Variants in SIN3B observed in about 807,000 individuals in gnomAD.
SIN3B encodes paired amphipathic helix protein Sin3b.
SIN3B carries 19 observed loss-of-function variants against 120.2 expected under a neutral mutation model. The ratio of observed to expected loss-of-function variants is 0.16; its 90% CI spans 0.11 to 0.23. SIN3B has a LOEUF of 0.23. Ranked by LOEUF, SIN3B falls within the 10% of genes least tolerant of loss-of-function variation. The pLI, the probability that SIN3B is intolerant of heterozygous loss-of-function variation, is 1.00. For missense variants in SIN3B, 1,073 were observed against 1,573.0 expected, an observed-to-expected ratio of 0.68 and a Z score of 5.38; for synonymous variants, 654 against 653.2, an observed-to-expected ratio of 1.00 and a Z score of -0.02.
Position 16,829,510 on chromosome 19 carries a change from C to T in SIN3B, c.90C>T (p.Gly30=). The change falls in exon 1 of 19, where the codon GGC becomes GGT. Residue 30 remains glycine, a synonymous_variant. Transcript: ENST00000248054. Reference sequence around the variant, plus strand: ...GCGGCGCCCGCTGGGGTCGCTCGGGCTCCGCAGGCCACGAGAAGCTGCCGG... The same window carrying T: ...GCGGCGCCCGCTGGGGTCGCTCGGGTTCCGCAGGCCACGAGAAGCTGCCGG... ...GLSGARWGRS[G]SAGHEKLPVH... is the part of the protein sequence containing the mutation. 1.6e-6 allele frequency: 2 copies of T among 1,225,446 alleles called. No homozygotes were observed. Among genetic ancestry groups the T allele is most frequent in the Non-Finnish European group, 2.0e-6 (2 of 983,578 alleles). The allele number at this position is 1,225,446 out of a possible 1,614,324, so 75.9% of individuals were successfully genotyped here. A position where few individuals can be genotyped will look rare whatever the true frequency, so the allele number is the denominator to read the frequency against.
At chr19:16,865,361 C>A (rs1971753219) in intron 10 of SIN3B, 49 bp from the exon 11 acceptor site, 2 of 1,107,844 alleles carry the variant, frequency 1.8e-6, no homozygotes, top group Admixed American at 2.0e-5. Flanking sequence ...CTCTCTGAGG[C>A]CTCTTGAGTT....
intron 8 of SIN3B, among the ~76,000 whole-genome samples, chr19:16,857,828 C>T (rs1218095282): frequency 6.6e-6 from 1 of 152,158 alleles, no homozygotes; most frequent in African/African-American, 2.4e-5. Context: ...TCACCCCCAT[C>T]TGGGTTGGGT....
intron 12 of SIN3B, among the ~76,000 whole-genome samples, chr19:16,868,701 G>T (rs1971813094): frequency 6.6e-6 from 1 of 152,190 alleles, no homozygotes; most frequent in Non-Finnish European, 1.5e-5. Flanking sequence ...CTTCTGAGCA[G>T]CCTGGGAAAG....
At position 16,860,548 on chromosome 19, in the gene SIN3B, GGCTAGGTCACA is replaced by G. The variant is rs1365338370; in HGVS notation, c.1059-1801_1059-1791del. 2.6e-5 allele frequency among the ~76,000 whole-genome samples: 4 copies of G among 152,058 alleles called. No homozygotes were observed. The East Asian group carries it at 7.7e-4, about 29-fold the overall frequency. ...GTCGTTATGCGAGGGTGGGCTGGGT[GGCTAGGTCACA>G]GCAGGATTGTGGCACCAGCAGTCAA... is the stretch of plus-strand genomic sequence containing the variant. On this transcript the variant is annotated intron_variant, in intron 8 of 18. Coordinates refer to ENST00000248054, the MANE Select transcript of SIN3B (RefSeq NM_001297595.2).
chr19:16,868,139 C>T (rs965807735), intron 12 of SIN3B, among the ~76,000 whole-genome samples: 3 of 152,140 alleles, frequency 2.0e-5, no homozygotes, highest in African/African-American at 7.2e-5. Context: ...TCAGAGGGGA[C>T]TGTAAAGGAA....
intron 5 of SIN3B, among the ~76,000 whole-genome samples, chr19:16,847,557 G>A (rs765201092): frequency 5.9e-5 from 9 of 152,274 alleles, no homozygotes; most frequent in Admixed American, 2.6e-4. Flanking sequence ...AGCCAGTAGC[G>A]GGGGTGGCCT....
Position 16,870,098 on chromosome 19 carries a change from G to C in SIN3B, c.2422+23G>C, listed in dbSNP as rs1167432754. On this transcript the variant is annotated intron_variant, in intron 13 of 18. Transcript: ENST00000248054. ...CCAGTAAGGCTCCAAAGCCTGCCGGGAGGCCCCGGGGGGTGCCTGGGGTTA... is the reference window on the plus strand; with the variant it reads ...CCAGTAAGGCTCCAAAGCCTGCCGGCAGGCCCCGGGGGGTGCCTGGGGTTA... 5 of 1,552,486 alleles carry C rather than the reference G, an allele frequency of 3.2e-6. No homozygotes were observed. In the African/African-American group the frequency reaches 6.8e-5, roughly 21 times the overall value.
rs147994732 is a variant in SIN3B at position 16,841,726 on chromosome 19, T to A, written c.382-42T>A. On this transcript the variant is annotated intron_variant, in intron 3 of 18. Coordinates refer to ENST00000248054, the MANE Select transcript of SIN3B (RefSeq NM_001297595.2). Reference sequence around the variant, plus strand: ...GGCCTGGTGTTTTTCACAATCTGTTTCCAGTGTCGGGCCTGGCAGTAACTC... The same window carrying A: ...GGCCTGGTGTTTTTCACAATCTGTTACCAGTGTCGGGCCTGGCAGTAACTC... 1,633 of 1,577,440 alleles carry A rather than the reference T, an allele frequency of 1.0e-3. 16 individuals carry two copies. In the African/African-American group the frequency reaches 0.018, roughly 18 times the overall value.
rs535095699 is a variant in SIN3B, at chr19:16,875,871, C to T, written c.2593-184C>T. On this transcript the variant is annotated intron_variant, in intron 14 of 18. Coordinates refer to ENST00000248054, the MANE Select transcript of SIN3B (RefSeq NM_001297595.2). The stretch of plus-strand genomic sequence containing the variant: ...TCTGGTCTGTTTGGTCTGGTCTGGT[C>T]TGGTCTGGTCTGGTCTGTTTGGTCT... 343 of 675,294 alleles carry T rather than the reference C, an allele frequency of 5.1e-4. 6 individuals carry two copies. In the South Asian group the frequency reaches 6.5e-3, roughly 13 times the overall value. The allele number at this position is 675,294 out of a possible 1,614,324, so 41.8% of individuals were successfully genotyped here.
intron 6 of SIN3B, among the ~76,000 whole-genome samples, chr19:16,852,044 T>C (rs1353461066): frequency 6.6e-6 from 1 of 152,260 alleles, no homozygotes; most frequent in Non-Finnish European, 1.5e-5. Context: ...ATATTAGATA[T>C]GGACTCTGGG....
chr19:16,866,341 G>T (rs1315174473), intron 11 of SIN3B, 32 bp from the exon 12 acceptor site: 1 of 1,585,872 alleles, frequency 6.3e-7, no homozygotes, highest in Non-Finnish European at 8.6e-7. Flanking sequence ...GCCCTGGCTT[G>T]TCCCTGGTGC....
rs749942191 is a variant in SIN3B at position 16,851,449 on chromosome 19, A to C, written c.764A>C (p.Gln255Pro). 4.3e-6 allele frequency: 7 copies of C among 1,609,736 alleles called. No individual in the cohort carries two copies. The highest frequency in any genetic ancestry group is 5.9e-6 in the Non-Finnish European group (7 of 1,178,358). ...GGGCCGTGCGAGATGCACAGCGTGC[A>C]GAAGAACGAGCACGACAAGACCCCG... ...GNGPCEMHSV[Q>P]KNEHDKTPEH... Residue 255 changes from glutamine to proline, a missense_variant, in exon 6 of 19, where the codon CAG becomes CCG. Physicochemically the swap from Gln to Pro is moderately conservative, Grantham distance 76 (BLOSUM62 -1). Transcript: ENST00000248054.
At chr19:16,866,245 G>C in intron 11 of SIN3B, 128 bp from the exon 12 acceptor site, 1 of 842,016 alleles carries the variant, frequency 1.2e-6, no homozygotes, top group Admixed American at 2.7e-5. Flanking sequence ...CACAGACTAG[G>C]CTGGGAGCTG....
intron 2 of SIN3B, 101 bp from the exon 3 acceptor site, chr19:16,831,393 T>G: frequency 1.6e-6 from 2 of 1,247,128 alleles, no homozygotes; most frequent in South Asian, 1.4e-5. Context: ...TGTTGTCTGT[T>G]GAGAAGGTTT....
chr19:16,839,547 A>C (rs753029282), intron 3 of SIN3B, among the ~76,000 whole-genome samples: 2 of 152,106 alleles, frequency 1.3e-5, no homozygotes, highest in Non-Finnish European at 2.9e-5. Context: ...GGGGGCTCGC[A>C]GTGAGCCTAC....
In SIN3B at chr19:16,862,422, A is replaced by G. The variant is rs1971701185; in HGVS notation, c.1129A>G (p.Met377Val). 6 of 1,614,066 alleles carry G rather than the reference A, an allele frequency of 3.7e-6. No homozygotes were observed. Among genetic ancestry groups the G allele is most frequent in the East Asian group, 4.5e-5 (2 of 44,898 alleles). ...AAAAGAGCTGTCCTTCGCGCCACCCATGAGCGACAGATCCGGGGACGGGAT... is the reference window on the plus strand; with the variant it reads ...AAAAGAGCTGTCCTTCGCGCCACCCGTGAGCGACAGATCCGGGGACGGGAT... Reference protein sequence around the residue: ...GVKELSFAPPMSDRSGDGISR... With the variant: ...GVKELSFAPPVSDRSGDGISR... Residue 377 changes from methionine to valine, a missense_variant, in exon 9 of 19, where the codon ATG becomes GTG. By Grantham distance (21) the Met-to-Val change is conservative. Around this residue, in one of 7 missense-constraint regions of SIN3B, gnomAD observed 395 missense variants for 528.0 expected, o/e 0.75. Transcript: ENST00000248054. The surrounding 1 kb of genome is among the most constrained non-coding windows in gnomAD (Gnocchi z 4.7).
Position 16,831,495 on chromosome 19 carries a change from A to G in SIN3B, c.229A>G (p.Ile77Val), listed in dbSNP as rs760305814. The change falls in exon 3 of 19, where the codon ATC (isoleucine) becomes GTC (valine). Residue 77 changes from isoleucine to valine, a missense_variant and splice_region_variant. Transcript: ENST00000248054. Reference sequence around the variant, plus strand: ...GCCCACTTCCGTTGTTTCTTCTAGCATCGATACTCCTGGAGTCATCAGACG... The same window carrying G: ...GCCCACTTCCGTTGTTTCTTCTAGCGTCGATACTCCTGGAGTCATCAGACG... ...EIMKEFKSQS[I>V]DTPGVIRRVS... 4 of 1,613,590 alleles carry G rather than the reference A, an allele frequency of 2.5e-6. No individual in the cohort carries two copies. The highest frequency in any genetic ancestry group is 3.4e-6 in the Non-Finnish European group (4 of 1,179,758).
At chr19:16,833,007 G>A (rs1971299024) in intron 3 of SIN3B, among the ~76,000 whole-genome samples, 1 of 152,204 alleles carries the variant, frequency 6.6e-6, no homozygotes, top group Non-Finnish European at 1.5e-5. Context: ...TCTGTAGCGT[G>A]TACCTACCAG....
At chr19:16,860,894 T>C (rs1381621875) in intron 8 of SIN3B, among the ~76,000 whole-genome samples, 2 of 151,766 alleles carry the variant, frequency 1.3e-5, no homozygotes, top group East Asian at 1.9e-4. Context: ...CGCCTGGCCA[T>C]AACTGCAACT....
Sources: gnomAD v4.1 joint callset for allele counts (sites outside exome capture counted in the v4.1 genomes callset) on GRCh38, gnomAD v4.1.1 for gene constraint, gnomAD v4.1.1 regional missense constraint, Gnocchi (gnomAD v3.1) non-coding constraint, MANE v1.5 for transcripts, NCBI Gene and HGNC (gene_info 2026-07-23, HGNC 2026-07-21) for gene names.